UBE2K: variants seen among roughly 807,000 people sequenced by gnomAD.
The protein encoded by UBE2K is ubiquitin conjugating enzyme E2 K.
A neutral mutation model predicts 30.0 loss-of-function variants in UBE2K; 6 were observed. The observed-to-expected ratio is 0.20, with a 90% confidence interval of 0.11 to 0.39. UBE2K has a LOEUF of 0.39. UBE2K is among the 10% of genes least tolerant of loss of function. UBE2K has a pLI of 1.00. For missense variants in UBE2K, 61 were observed against 241.6 expected (o/e 0.25, Z 4.96); for synonymous variants, 86 against 83.7 (o/e 1.03, Z -0.15).
At chr4:39,708,921 CTTT>C (rs200755048) in intron 1 of UBE2K, among the ~76,000 whole-genome samples, 3 of 138,196 alleles carry the variant, frequency 2.2e-5, no homozygotes, top group Admixed American at 1.5e-4. Context: ...TTATTTGTGT[CTTT>C]TTTTTTTTTT....
chr4:39,731,269 C>G (rs550677744), intron 1 of UBE2K, among the ~76,000 whole-genome samples: 1 of 152,140 alleles, frequency 6.6e-6, no homozygotes, highest in African/African-American at 2.4e-5. Flanking sequence ...GTATTGGATA[C>G]TGCTCGTCTA....
chr4:39,703,660 A>G (rs1718161607), intron 1 of UBE2K, among the ~76,000 whole-genome samples: 1 of 151,802 alleles, frequency 6.6e-6, no homozygotes, highest in African/African-American at 2.4e-5. Context: ...CATCCTGGCC[A>G]ACATGATGAA....
At position 39,760,612 on chromosome 4, in the gene UBE2K, C is replaced by T. The variant is rs982277753; in HGVS notation, c.299+4873C>T. ...CCAGAATTTATGGTGATAAAAAATA[C>T]GATAGCCCAGCGCAGTGGCTCACGC... is the stretch of plus-strand genomic sequence containing the variant. On this transcript the variant is annotated intron_variant, in intron 4 of 6. Transcript: ENST00000261427. Among the ~76,000 whole-genome samples the T allele has an allele frequency of 1.4e-4, 21 of 152,100 alleles. 1 individual carries two copies. The South Asian group carries it at 3.1e-3, about 23-fold the overall frequency.
intron 2 of UBE2K, 71 bp from the exon 3 acceptor site, chr4:39,745,681 C>G: frequency 1.0e-6 from 1 of 998,610 alleles, no homozygotes; most frequent in South Asian, 1.5e-5. Flanking sequence ...CTCTGAAAAG[C>G]TCATCAGTAT....
rs183497438 is a variant in UBE2K, at chr4:39,710,650, G to T, written c.63+12260G>T. ...CAGATCCAACAGTTGCAGCTGTGAA[G>T]AAATTAAGTAACTTTCTCAGTATCA... On this transcript the variant is annotated intron_variant, in intron 1 of 6. Coordinates refer to ENST00000261427, the MANE Select transcript of UBE2K (RefSeq NM_005339.5). Among the ~76,000 whole-genome samples, 118 of 152,170 alleles carry T rather than the reference G, an allele frequency of 7.8e-4. 1 individual carries two copies. The highest frequency in any genetic ancestry group is 1.0e-3 in the Admixed American group (16 of 15,272).
At chr4:39,717,234 C>CT (rs1719128132) in intron 1 of UBE2K, among the ~76,000 whole-genome samples, 2 of 151,332 alleles carry the variant, frequency 1.3e-5, no homozygotes, top group South Asian at 2.1e-4. Context: ...CTTTTCTTTT[C>CT]TTTCTTTTTT....
In UBE2K at chr4:39,704,108, G is replaced by A. The variant is rs191794783; in HGVS notation, c.63+5718G>A. Among the ~76,000 whole-genome samples the A allele has an allele frequency of 8.5e-4, 128 of 150,490 alleles. 1 individual carries two copies. Among genetic ancestry groups the A allele is most frequent in the Middle Eastern group, 3.4e-3 (1 of 292 alleles). On this transcript the variant is annotated intron_variant, in intron 1 of 6. Coordinates refer to ENST00000261427, the MANE Select transcript of UBE2K (RefSeq NM_005339.5). ...ATTTGAACAGTTGTTTCTAAGACTAGAGGCAGGCGTGGTGGCTCACATCGG... is the reference window on the plus strand; with the variant it reads ...ATTTGAACAGTTGTTTCTAAGACTAAAGGCAGGCGTGGTGGCTCACATCGG...
chr4:39,752,014 A>G (rs1284006459), intron 3 of UBE2K, among the ~76,000 whole-genome samples: 1 of 152,236 alleles, frequency 6.6e-6, no homozygotes, highest in Non-Finnish European at 1.5e-5. Flanking sequence ...AATACACTTC[A>G]CATATCTTCA....
chr4:39,723,232 GAC>G (rs993781857), intron 1 of UBE2K, among the ~76,000 whole-genome samples: 45 of 148,636 alleles, frequency 3.0e-4, no homozygotes, highest in African/African-American at 9.9e-4. Context: ...TTTAAGTAGA[GAC>G]AGGATTTCAC....
At chr4:39,766,374 A>G (rs947127131) in intron 4 of UBE2K, among the ~76,000 whole-genome samples, 1 of 151,986 alleles carries the variant, frequency 6.6e-6, no homozygotes, top group South Asian at 2.1e-4. Flanking sequence ...GCATTTCCCT[A>G]ATGATTAGTG....
chr4:39,777,783 A>G lies in UBE2K; in HGVS notation c.501A>G (p.Glu167=), dbSNP rs779361235. The part of the protein sequence containing the change: ...VSSPEYTKKI[E]NLCAMGFDRN... ...GTCCAGAATACACCAAAAAAATAGA[A>G]AACCTATGTGCTATGGGCTTTGATA... Residue 167 remains glutamate (E), a synonymous_variant, in exon 6 of 7, where the codon GAA becomes GAG. Transcript: ENST00000261427. 1 of 1,547,580 alleles carries G rather than the reference A, an allele frequency of 6.5e-7. No individual in the cohort carries two copies. The highest frequency in any genetic ancestry group is 2.3e-5 in the Admixed American group (1 of 43,518).
chr4:39,757,638 T>TAA (rs1249857984), intron 4 of UBE2K, among the ~76,000 whole-genome samples: 6 of 152,206 alleles, frequency 3.9e-5, no homozygotes, highest in Admixed American at 2.6e-4. Flanking sequence ...TCTTCTCTGT[T>TAA]ACTCTTTTGA....
intron 3 of UBE2K, among the ~76,000 whole-genome samples, chr4:39,748,884 TA>T (rs2109364568): frequency 6.6e-6 from 1 of 152,310 alleles, no homozygotes; most frequent in East Asian, 1.9e-4. Context: ...GCTCTTGCAG[TA>T]AATGTTAATG....
intron 6 of UBE2K, among the ~76,000 whole-genome samples, chr4:39,778,079 T>TA (rs1713380888): frequency 9.7e-6 from 1 of 103,210 alleles, no homozygotes. Flanking sequence ...GCCTTGGTGA[T>TA]AGAGCAAGAC....
chr4:39,757,011 G>GTTTTTTT lies in UBE2K; in HGVS notation c.299+1278_299+1279insTTTTTTT, dbSNP rs1354761879. Among the ~76,000 whole-genome samples the GTTTTTTT allele has an allele frequency of 1.1e-3, 88 of 76,810 alleles. 4 individuals carry two copies. Among genetic ancestry groups the GTTTTTTT allele is most frequent in the South Asian group, 1.8e-3 (4 of 2,232 alleles). The allele number at this position is 76,810 out of a possible 152,430, so 50.4% of individuals were successfully genotyped here. On this transcript the variant is annotated intron_variant, in intron 4 of 6. Transcript: ENST00000261427. ...ATGTTTTTTTGGGTGTTTTTTTTTT[G>GTTTTTTT]TTTTTTGTTTTTTGTTTTTTGTTTT...
intron 4 of UBE2K, among the ~76,000 whole-genome samples, chr4:39,758,603 G>A (rs1347770215): frequency 6.6e-6 from 1 of 152,034 alleles, no homozygotes; most frequent in Non-Finnish European, 1.5e-5. Context: ...GCTTGAACCT[G>A]GGAGGCGGAA....
intron 3 of UBE2K, among the ~76,000 whole-genome samples, chr4:39,752,866 A>G (rs1721340897): frequency 6.6e-6 from 1 of 152,080 alleles, no homozygotes; most frequent in Non-Finnish European, 1.5e-5. Context: ...AATACTCAGC[A>G]TGGGCCAAGC....
chr4:39,748,487 CACT>C (rs1721091578), intron 3 of UBE2K, among the ~76,000 whole-genome samples: 1 of 152,114 alleles, frequency 6.6e-6, no homozygotes, highest in Admixed American at 6.6e-5. Flanking sequence ...CTATTGAAGC[CACT>C]GTTACCTGGC....
chr4:39,729,263 G>A lies in UBE2K; in HGVS notation c.64-8157G>A, dbSNP rs925282433. Among the ~76,000 whole-genome samples the A allele has an allele frequency of 4.0e-5, 6 of 151,870 alleles. No individual in the cohort carries two copies. The South Asian group carries it at 6.2e-4, about 16-fold the overall frequency. ...TGGTATTACAGGCGTGAGCCATGGC[G>A]CCCGGTCTTTCCTATCTTTCTGACT... On this transcript the variant is annotated intron_variant, in intron 1 of 6. Transcript: ENST00000261427.
Sources: allele counts gnomAD v4.1 joint callset (sites outside exome capture counted in the v4.1 genomes callset), GRCh38; gene constraint gnomAD v4.1.1; transcripts MANE v1.5; gene names NCBI Gene and HGNC (gene_info 2026-07-23, HGNC 2026-07-21).